Variants in ANKFN1 observed in about 807,000 individuals in gnomAD.
ANKFN1 encodes the protein ankyrin repeat and fibronectin type III domain containing 1, also known as ankyrin repeat and fibronectin type-III domain-containing protein 1.
A neutral mutation model predicts 108.7 loss-of-function variants in ANKFN1; 74 were observed. The ratio of observed to expected loss-of-function variants is 0.68; its 90% CI spans 0.56 to 0.83. The LOEUF is 0.83. ANKFN1 is among the 40% of genes least tolerant of loss of function. ANKFN1 has a pLI of 0.00. For missense variants in ANKFN1, 1,505 were observed against 1,382.3 expected (o/e 1.09, Z -1.41); for synonymous variants, 547 against 516.2 (o/e 1.06, Z -0.81).
intron 1 of ANKFN1, among the ~76,000 whole-genome samples, chr17:56,163,961 T>A (rs1221407744): frequency 1.3e-5 from 2 of 152,206 alleles, no homozygotes; most frequent in Non-Finnish European, 2.9e-5. Context: ...TGTATTTTGG[T>A]GTTTGTACAC....
rs139007975 is a variant in ANKFN1 at position 56,171,994 on chromosome 17, G to A, written c.-71+18464G>A. On this transcript the variant is annotated intron_variant, in intron 1 of 20. Transcript: ENST00000682825. ...ATCCTTTGGTATTTGCTGTTATCAG[G>A]AACAATAATAATAATAGCAAAAAAA... Among the ~76,000 whole-genome samples the A allele has an allele frequency of 5.7e-3, 863 of 150,088 alleles. 7 individuals are homozygous for A. Among genetic ancestry groups the A allele is most frequent in the African/African-American group, 0.02 (819 of 41,000 alleles).
At position 56,482,207 on chromosome 17, in the gene ANKFN1, A is replaced by G. The variant is rs1598698195; in HGVS notation, c.2092-149A>G. ...TCTTGATTTTATATAGCATTATTAA[A>G]TGGGCTGAACCCTAATATTTATGTT... On this transcript the variant is annotated intron_variant, in intron 17 of 20. Transcript: ENST00000682825. 3 of 642,164 alleles carry G rather than the reference A, an allele frequency of 4.7e-6. No individual in the cohort carries two copies. In the East Asian group the frequency reaches 8.6e-5, roughly 18 times the overall value. The allele number at this position is 642,164 out of a possible 1,614,324, so 39.8% of individuals were successfully genotyped here. A position where few individuals can be genotyped will look rare whatever the true frequency, so the allele number is the denominator to read the frequency against.
chr17:56,425,867 G>A (rs1889776201), intron 8 of ANKFN1, among the ~76,000 whole-genome samples: 1 of 152,120 alleles, frequency 6.6e-6, no homozygotes, highest in Non-Finnish European at 1.5e-5. Context: ...CCATTGTACT[G>A]TTACTGTCTG....
At chr17:56,503,304 T>C (rs1173065582) in intron 20 of ANKFN1, among the ~76,000 whole-genome samples, 1 of 151,712 alleles carries the variant, frequency 6.6e-6, no homozygotes, top group African/African-American at 2.4e-5. Flanking sequence ...TGGCATAAAA[T>C]ACACAGCTCA....
At chr17:56,091,794 T>A (rs111632982) in intron 4 of ANKFN1, among the ~76,000 whole-genome samples, 1,925 of 151,528 alleles carry the variant, frequency 0.013, 100 homozygotes, top group African/African-American at 0.045. Flanking sequence ...TTGAGAGGAT[T>A]GTGATTCCAG....
In ANKFN1 at chr17:56,357,013, C is replaced by G. The variant is rs890863264; in HGVS notation, c.601+2967C>G. 6.6e-5 allele frequency among the ~76,000 whole-genome samples: 10 copies of G among 152,280 alleles called. 3 individuals are homozygous for G. The stretch of plus-strand genomic sequence containing the variant: ...GTAAAAGAACTCAAGTACTAAATAT[C>G]TAGTTAAACCAAAAGCAAATTTGTT... On this transcript the variant is annotated intron_variant, in intron 6 of 20. Transcript: ENST00000682825.
chr17:56,346,237 C>T (rs56764385), intron 4 of ANKFN1, among the ~76,000 whole-genome samples: 6,822 of 151,896 alleles, frequency 0.045, 503 homozygotes, highest in African/African-American at 0.16. Flanking sequence ...TGTTCTGTTC[C>T]GTTGGTCTAT....
chr17:56,453,717 T>C (rs1940223861), intron 11 of ANKFN1, among the ~76,000 whole-genome samples: 2 of 152,172 alleles, frequency 1.3e-5, no homozygotes, highest in African/African-American at 4.8e-5. Flanking sequence ...TCAGAGAAAT[T>C]GTATATCTAA....
At chr17:56,473,287 T>C (rs2050383357) in intron 15 of ANKFN1, 2 of 152,112 alleles carry the variant, frequency 1.3e-5, no homozygotes, top group African/African-American at 4.8e-5. Flanking sequence ...AAAAGGGCTA[T>C]AGTGGAAATG....
chr17:56,164,340 C>T (rs946353776), intron 1 of ANKFN1, among the ~76,000 whole-genome samples: 3 of 152,150 alleles, frequency 2.0e-5, no homozygotes, highest in Non-Finnish European at 2.9e-5. Context: ...CAGTCAGATG[C>T]CCTTCCTCAA....
rs955845535 is a variant in ANKFN1 at position 56,515,907 on chromosome 17, A to G, written c.*4638A>G. On this transcript the variant is annotated 3_prime_UTR_variant, in exon 21 of 21. Transcript: ENST00000682825. ...ATAGGTGGGCTGTGAAAAATATTCTATTGTGATAAAGGAAGTAGATTTGTT... is the reference window on the plus strand; with the variant it reads ...ATAGGTGGGCTGTGAAAAATATTCTGTTGTGATAAAGGAAGTAGATTTGTT... Among the ~76,000 whole-genome samples, 6 of 152,176 alleles carry G rather than the reference A, an allele frequency of 3.9e-5. No homozygotes were observed. Among genetic ancestry groups the G allele is most frequent in the Non-Finnish European group, 7.4e-5 (5 of 68,024 alleles).
intron 4 of ANKFN1, among the ~76,000 whole-genome samples, chr17:56,141,013 A>G (rs992702793): frequency 4.6e-5 from 7 of 152,178 alleles, no homozygotes; most frequent in Non-Finnish European, 8.8e-5. Context: ...TATGCACGTA[A>G]TGATTTAAGC....
chr17:56,233,577 C>T (rs1279958971), intron 3 of ANKFN1, among the ~76,000 whole-genome samples: 2 of 151,880 alleles, frequency 1.3e-5, no homozygotes, highest in African/African-American at 4.8e-5. Flanking sequence ...CTTACCTCTT[C>T]TCTCCTAATC....
chr17:56,233,896 C>T (rs979843458), intron 3 of ANKFN1, among the ~76,000 whole-genome samples: 1 of 151,994 alleles, frequency 6.6e-6, no homozygotes, highest in Non-Finnish European at 1.5e-5. Context: ...AAAAGGTATA[C>T]CTCACAGGTC....
chr17:56,123,374 G>C (rs1245692410), intron 4 of ANKFN1, among the ~76,000 whole-genome samples: 1 of 152,178 alleles, frequency 6.6e-6, no homozygotes, highest in Middle Eastern at 3.2e-3. Flanking sequence ...TAATGGATAG[G>C]CTTGAAGATG....
intron 8 of ANKFN1, among the ~76,000 whole-genome samples, chr17:56,386,543 A>G (rs980550598): frequency 6.6e-6 from 1 of 151,078 alleles, no homozygotes; most frequent in South Asian, 2.1e-4. Context: ...TCTCTTAGTA[A>G]TAGCTCTTTA....
At chr17:56,432,538 CA>C (rs1213791358) in intron 8 of ANKFN1, among the ~76,000 whole-genome samples, 1 of 152,194 alleles carries the variant, frequency 6.6e-6, no homozygotes, top group Non-Finnish European at 1.5e-5. Context: ...ATAAGAACAG[CA>C]ATTAGTTTGT....
chr17:56,073,547 G>A (rs940265397), intron 4 of ANKFN1, among the ~76,000 whole-genome samples: 13 of 152,112 alleles, frequency 8.5e-5, no homozygotes, highest in African/African-American at 1.9e-4. Context: ...AAAATTAGCC[G>A]CTTTAAAATT....
At chr17:56,276,758 AGGGAGTT>A (rs2043945858) in intron 3 of ANKFN1, among the ~76,000 whole-genome samples, 1 of 152,098 alleles carries the variant, frequency 6.6e-6, no homozygotes, top group Non-Finnish European at 1.5e-5. Flanking sequence ...ATTAGCTGAA[AGGGAGTT>A]TATTCTTATT....
Sources: allele counts gnomAD v4.1 joint callset (sites outside exome capture counted in the v4.1 genomes callset), GRCh38; gene constraint gnomAD v4.1.1; transcripts MANE v1.5; gene names NCBI Gene and HGNC (gene_info 2026-07-23, HGNC 2026-07-21).